The following USHBP1 variants were observed in gnomAD, a reference collection of about 807,000 sequenced individuals.
The protein encoded by USHBP1 is harmonin-binding protein USHBP1.
Under a neutral mutation model 76.2 loss-of-function variants are expected in USHBP1, and 67 were observed. The observed-to-expected ratio is 0.88, with a 90% CI of 0.72 to 1.08. USHBP1 has a LOEUF of 1.08. USHBP1 is among the 50% of genes least tolerant of loss of function. The pLI is 0.00. For missense variants in USHBP1, 931 were observed against 915.0 expected, an observed-to-expected ratio of 1.02 and a Z score of -0.23; for synonymous variants, 322 against 362.2, an observed-to-expected ratio of 0.89 and a Z score of 1.26.
At chr19:17,255,319 G>T (rs2073604597) in intron 10 of USHBP1, 66 bp downstream of exon 10, 3 of 1,458,380 alleles carry the variant, frequency 2.1e-6, no homozygotes, top group Non-Finnish European at 2.8e-6. Context: ...AAAAGGCTGT[G>T]ATTGACAAGG....
At chr19:17,264,202 G>T in intron 2 of USHBP1, 44 bp downstream of exon 2, 1 of 1,613,148 alleles carries the variant, frequency 6.2e-7, no homozygotes, top group Non-Finnish European at 8.5e-7. Context: ...CAGGACCTTG[G>T]GGTCCCCAGG....
intron 4 of USHBP1, among the ~76,000 whole-genome samples, chr19:17,261,459 C>T (rs1263581337): frequency 1.3e-5 from 2 of 150,638 alleles, no homozygotes; most frequent in African/African-American, 2.4e-5. Context: ...CCTCAGCCTC[C>T]GGAGTAGCTG....
Position 17,256,712 on chromosome 19 carries a change from C to T in USHBP1, c.1229G>A (p.Gly410Asp), listed in dbSNP as rs767567532. 55 of 1,614,142 alleles carry T rather than the reference C, an allele frequency of 3.4e-5. No individual in the cohort carries two copies. The highest frequency in any genetic ancestry group is 4.5e-5 in the Non-Finnish European group (53 of 1,180,040). ...AQQNPQPSPEGSSVDKPTPQE... is the reference protein window; with the variant it reads ...AQQNPQPSPEDSSVDKPTPQE... Reference sequence around the variant, plus strand: ...TGGGGTGGGCTTATCCACACTGCTGCCTTCAGGGCTATAGAAAACAGAAAA... The same window carrying T: ...TGGGGTGGGCTTATCCACACTGCTGTCTTCAGGGCTATAGAAAACAGAAAA... Residue 410 changes from glycine (G) to aspartate (D), a missense_variant, in exon 9 of 13, where the codon GGC (glycine) becomes GAC (aspartate). Physicochemically the swap from Gly to Asp is moderately conservative, Grantham distance 94 (BLOSUM62 -1). Coordinates refer to ENST00000252597, the MANE Select transcript of USHBP1 (RefSeq NM_031941.4).
intron 3 of USHBP1, chr19:17,263,744 C>T (rs1368651250): frequency 2.4e-6 from 1 of 413,786 alleles, no homozygotes. Context: ...TGGTGGCGCA[C>T]ACCTGTAATC....
rs2073550709 is a variant in USHBP1 at position 17,251,500 on chromosome 19, GC to G, written c.1922+81del. On this transcript the variant is annotated intron_variant, in intron 12 of 12. Transcript: ENST00000252597. ...TCTTGGGGCAGTGGGGAATGCTAAG[GC>G]CCAGAGACAGCCAGGGATACTTCTG... The G allele has an allele frequency of 9.2e-5, 145 of 1,575,700 alleles. 1 individual carries two copies. The South Asian group carries it at 1.5e-3, about 16-fold the overall frequency.
intron 3 of USHBP1, chr19:17,263,234 C>T (rs2145596787): frequency 2.8e-6 from 1 of 352,636 alleles, no homozygotes; most frequent in East Asian, 4.6e-5. Context: ...GACAGGGTTT[C>T]ACCATGTTGG....
intron 8 of USHBP1, among the ~76,000 whole-genome samples, chr19:17,257,877 G>A (rs1398303709): frequency 6.6e-6 from 1 of 152,012 alleles, no homozygotes; most frequent in African/African-American, 2.4e-5. Context: ...TTGAACTACT[G>A]AGCTCAAACG....
In USHBP1 at chr19:17,259,751, A is replaced by G. The variant is rs2073665610; in HGVS notation, c.769-19T>C. 3 of 1,600,104 alleles carry G rather than the reference A, an allele frequency of 1.9e-6. No homozygotes were observed. Among genetic ancestry groups the G allele is most frequent in the Non-Finnish European group, 1.7e-6 (2 of 1,173,200 alleles). On this transcript the variant is annotated intron_variant, in intron 5 of 12. Coordinates refer to ENST00000252597, the MANE Select transcript of USHBP1 (RefSeq NM_031941.4). ...AGGAGTCCTGCCAAGAAGAAGTGAT[A>G]TAACTGACCCCAATTGTCACCAAGA...
chr19:17,252,082 G>C (rs1285342780), intron 10 of USHBP1, 65 bp from the exon 11 acceptor site: 1 of 1,451,176 alleles, frequency 6.9e-7, no homozygotes, highest in Non-Finnish European at 9.4e-7. Flanking sequence ...GGCCCACACT[G>C]GACATTGGAG....
At chr19:17,251,533 T>C (rs765391505) in intron 12 of USHBP1, 49 bp downstream of exon 12, 71 of 1,608,138 alleles carry the variant, frequency 4.4e-5, no homozygotes, top group Non-Finnish European at 5.1e-6. Context: ...TCTGATATCC[T>C]GGTGGGGGAT....
In USHBP1 at chr19:17,251,593, G is replaced by C; in HGVS notation, c.1911C>G (p.Cys637Trp). 1 of 1,613,862 alleles carries C rather than the reference G, an allele frequency of 6.2e-7. No individual in the cohort carries two copies. The highest frequency in any genetic ancestry group is 8.5e-7 in the Non-Finnish European group (1 of 1,179,900). Reference sequence around the variant, plus strand: ...CAGAACAGTCCTACCTGTGGGCTTTGCATAAATCCCTGTTCAGCTCGGCAC... The same window carrying C: ...CAGAACAGTCCTACCTGTGGGCTTTCCATAAATCCCTGTTCAGCTCGGCAC... ...SQSAELNRDLCKAHSALVLAF... is the reference protein window; with the variant it reads ...SQSAELNRDLWKAHSALVLAF... Residue 637 changes from cysteine to tryptophan, a missense_variant, in exon 12 of 13, where the codon TGC becomes TGG. Physicochemically the swap from Cys to Trp is radical, Grantham distance 215. Transcript: ENST00000252597.
At position 17,258,165 on chromosome 19, in the gene USHBP1, GACCCCACTCCTCA is replaced by G. The variant is rs1271305206; in HGVS notation, c.1220+34_1220+46del. ...TCTGGGAGCCCCATCCCCCAGTCAA[GACCCCACTCCTCA>G]ACCAGGCCAGTTCCCAGGGTTCCAG... is the stretch of plus-strand genomic sequence containing the variant. On this transcript the variant is annotated intron_variant, in intron 8 of 12. Transcript: ENST00000252597. The G allele has an allele frequency of 8.1e-6, 13 of 1,609,134 alleles. No individual in the cohort carries two copies. The South Asian group carries it at 1.3e-4, about 16-fold the overall frequency.
At chr19:17,261,052 G>A (rs1313937787) in intron 4 of USHBP1, among the ~76,000 whole-genome samples, 2 of 152,124 alleles carry the variant, frequency 1.3e-5, no homozygotes, top group Non-Finnish European at 2.9e-5. Context: ...GAGGGCGCCT[G>A]TGAACACCTG....
chr19:17,262,418 G>T, intron 4 of USHBP1, 134 bp downstream of exon 4: 1 of 1,035,346 alleles, frequency 9.7e-7, no homozygotes, highest in Non-Finnish European at 1.4e-6. Context: ...AAAGTGCTGG[G>T]ATTATAGGTG....
At chr19:17,261,064 G>C (rs1470608986) in intron 4 of USHBP1, among the ~76,000 whole-genome samples, 3 of 152,024 alleles carry the variant, frequency 2.0e-5, no homozygotes, top group Admixed American at 2.0e-4. Flanking sequence ...GAACACCTGC[G>C]TCGAGCATGC....
chr19:17,259,933 G>T lies in USHBP1; in HGVS notation c.732C>A (p.Ser244Arg). 2 of 1,614,118 alleles carry T rather than the reference G, an allele frequency of 1.2e-6. No individual in the cohort carries two copies. Among genetic ancestry groups the T allele is most frequent in the Non-Finnish European group, 8.5e-7 (1 of 1,179,990 alleles). The change falls in exon 5 of 13, where the codon AGC (serine) becomes AGA (arginine). Residue 244 changes from serine (S) to arginine (R), a missense_variant. By Grantham distance (110) the Ser-to-Arg change is moderately radical. Transcript: ENST00000252597. ...NQAGGSGSGSSSSEADREPWE... is the reference protein window; with the variant it reads ...NQAGGSGSGSRSSEADREPWE... Reference sequence around the variant, plus strand: ...AGGGTTCCCTGTCTGCCTCAGAGCTGCTAGAACCACTGCCTGAGCCACCTG... The same window carrying T: ...AGGGTTCCCTGTCTGCCTCAGAGCTTCTAGAACCACTGCCTGAGCCACCTG...
At chr19:17,252,080 C>G in intron 10 of USHBP1, 63 bp from the exon 11 acceptor site, 1 of 1,474,764 alleles carries the variant, frequency 6.8e-7, no homozygotes, top group Non-Finnish European at 9.2e-7. Context: ...TTGGCCCACA[C>G]TGGACATTGG....
rs1271453456 is a variant in USHBP1 at position 17,256,672 on chromosome 19, G to C, written c.1269C>G (p.Phe423Leu). Residue 423 changes from phenylalanine (F) to leucine (L), a missense_variant, in exon 9 of 13, where the codon TTC becomes TTG. Transcript: ENST00000252597. ...VDKPTPQEVA[F>L]QLRSYVQRLQ... ...GACGCTGGACATAGCTTCGGAGCTGGAAAGCCACTTCCTGTGGGGTGGGCT... is the reference window on the plus strand; with the variant it reads ...GACGCTGGACATAGCTTCGGAGCTGCAAAGCCACTTCCTGTGGGGTGGGCT... The C allele has an allele frequency of 6.8e-6, 11 of 1,614,096 alleles. No individual in the cohort carries two copies. Among genetic ancestry groups the C allele is most frequent in the Non-Finnish European group, 9.3e-6 (11 of 1,180,050 alleles).
At chr19:17,257,304 T>C (rs1237127689) in intron 8 of USHBP1, among the ~76,000 whole-genome samples, 1 of 146,360 alleles carries the variant, frequency 6.8e-6, no homozygotes, top group Non-Finnish European at 1.5e-5. Flanking sequence ...GTGCTGGGAT[T>C]ACAGGCGTGA....
Sources: allele counts gnomAD v4.1 joint callset (sites outside exome capture counted in the v4.1 genomes callset), GRCh38; gene constraint gnomAD v4.1.1; transcripts MANE v1.5; gene names NCBI Gene and HGNC (gene_info 2026-07-23, HGNC 2026-07-21).